RAD51B: variants seen among roughly 807,000 people sequenced by gnomAD.
The protein encoded by RAD51B is RAD51 paralog B.
In RAD51B, 38 loss-of-function variants were observed where a neutral mutation model predicts 42.2. The ratio of observed to expected loss-of-function variants is 0.90; its 90% CI spans 0.70 to 1.18. The LOEUF is 1.18. Among genes scored for constraint, RAD51B ranks in the 50% most tolerant of loss-of-function variants. The pLI is 0.00. For synonymous variants in RAD51B, 154 were observed against 145.2 expected, an observed-to-expected ratio of 1.06 and a Z score of -0.43; for missense variants, 373 against 400.7, an observed-to-expected ratio of 0.93 and a Z score of 0.59.
Position 67,915,441 on chromosome 14 carries a change from G to A in RAD51B, c.756+28237G>A, listed in dbSNP as rs552935496. ...GAATAGGCCTTTTCTTTTCTCAAAA[G>A]TACCAGCAATAGCTTCCCATTTTTT... On this transcript the variant is annotated intron_variant, in intron 7 of 10. Coordinates refer to ENST00000471583, the MANE Select transcript of RAD51B (RefSeq NM_133510.4). Among the ~76,000 whole-genome samples the A allele has an allele frequency of 6.8e-4, 104 of 152,278 alleles. No homozygotes were observed. In the Middle Eastern group the frequency reaches 0.01, roughly 15 times the overall value.
chr14:68,356,710 G>T (rs1160843328), intron 8 of RAD51B, among the ~76,000 whole-genome samples: 3 of 151,944 alleles, frequency 2.0e-5, no homozygotes, highest in African/African-American at 7.2e-5. Flanking sequence ...GGCCGGGCGC[G>T]GTGGCTCACG....
At chr14:68,238,597 G>A (rs1395769264) in intron 7 of RAD51B, among the ~76,000 whole-genome samples, 2 of 152,144 alleles carry the variant, frequency 1.3e-5, no homozygotes, top group Non-Finnish European at 2.9e-5. Context: ...GAGCCACTGT[G>A]CCCAACCATA....
rs564998314 is a variant in RAD51B at position 68,559,864 on chromosome 14, G to A, written c.1037-34621G>A. The stretch of plus-strand genomic sequence containing the variant: ...CTCCAGCATGTGGAATGGGCAGAAG[G>A]CAGAAGCCCTATGTCTGCCCTGGGG... On this transcript the variant is annotated intron_variant, in intron 10 of 10. Transcript: ENST00000487270. 2.6e-5 allele frequency among the ~76,000 whole-genome samples: 4 copies of A among 152,332 alleles called. No individual in the cohort carries two copies. The East Asian group carries it at 7.7e-4, about 29-fold the overall frequency.
chr14:68,396,483 T>C (rs184187887), intron 8 of RAD51B, among the ~76,000 whole-genome samples: 1 of 152,196 alleles, frequency 6.6e-6, no homozygotes, highest in Non-Finnish European at 1.5e-5. Flanking sequence ...TATTTAGAAA[T>C]GTCATAAAAT....
At chr14:67,878,679 A>G (rs954142525) in intron 5 of RAD51B, among the ~76,000 whole-genome samples, 1 of 152,112 alleles carries the variant, frequency 6.6e-6, no homozygotes, top group African/African-American at 2.4e-5. Context: ...CAGTAAGTCC[A>G]TTACATGGTA....
chr14:67,825,576 C>T lies in RAD51B; in HGVS notation c.197C>T (p.Thr66Met), dbSNP rs577027561. The change falls in exon 3 of 11, where the codon ACG becomes ATG. Residue 66 changes from threonine (T) to methionine (M), a missense_variant and splice_region_variant. By Grantham distance (81) the Thr-to-Met change is moderately conservative. Transcript: ENST00000471583. ...AGGGCCTGTGCCCCAAAGATGCAAA[C>T]GGTATATTTATATTTTATTATGATT... The part of the protein sequence containing the change: ...VSRACAPKMQ[T>M]AYGIKAQRSA... 85 of 1,579,500 alleles carry T rather than the reference C, an allele frequency of 5.4e-5. No individual in the cohort carries two copies. The highest frequency in any genetic ancestry group is 6.6e-5 in the Non-Finnish European group (76 of 1,156,656).
rs558313577 is a variant in RAD51B at position 68,490,249 on chromosome 14, TC to T, written c.1036+22000del. Among the ~76,000 whole-genome samples the T allele has an allele frequency of 5.9e-3, 901 of 152,346 alleles. 13 individuals carry two copies. The highest frequency in any genetic ancestry group is 0.02 in the African/African-American group (848 of 41,574). ...TTTAATTTATTTTTAAAGTATCAAT[TC>T]TTTTGCAAAGAGAATATATTCATGT... On this transcript the variant is annotated intron_variant, in intron 10 of 10. Coordinates refer to the RAD51B transcript ENST00000487270.
In RAD51B at chr14:68,662,275, G is replaced by A. The variant is rs191859421; in HGVS notation, c.*11+11419G>A. Among the ~76,000 whole-genome samples the A allele has an allele frequency of 1.8e-4, 27 of 152,246 alleles. 1 individual carries two copies. Among genetic ancestry groups the A allele is most frequent in the Admixed American group, 1.5e-3 (23 of 15,304 alleles). On this transcript the variant is annotated intron_variant, in intron 11 of 11. Transcript: ENST00000488612. The stretch of plus-strand genomic sequence containing the variant: ...AGTCTTTCACACCTGCCCCATCCCG[G>A]GCATGTATAAAATTCCATTTGTTTA...
chr14:68,094,857 A>G (rs2077165374), intron 7 of RAD51B, among the ~76,000 whole-genome samples: 1 of 152,224 alleles, frequency 6.6e-6, no homozygotes, highest in Non-Finnish European at 1.5e-5. Context: ...AAGGAAGAAA[A>G]ATTCTCCTAA....
intron 7 of RAD51B, among the ~76,000 whole-genome samples, chr14:67,985,905 G>A (rs944454375): frequency 3.9e-5 from 6 of 152,022 alleles, no homozygotes; most frequent in Non-Finnish European, 2.9e-5. Flanking sequence ...GCCAGAACTT[G>A]TCTTAAATAA....
intron 10 of RAD51B, among the ~76,000 whole-genome samples, chr14:68,518,427 G>A (rs1007430317): frequency 6.6e-6 from 1 of 152,184 alleles, no homozygotes; most frequent in African/African-American, 2.4e-5. Context: ...CCTGGGAACT[G>A]GAGATCTTTC....
chr14:68,005,274 G>C (rs1032510679), intron 7 of RAD51B, among the ~76,000 whole-genome samples: 1 of 151,828 alleles, frequency 6.6e-6, no homozygotes, highest in African/African-American at 2.4e-5. Context: ...GGCTGATCTC[G>C]AACTCCTGAC....
chr14:67,944,201 ATTTTTTT>A (rs370785745), intron 7 of RAD51B, among the ~76,000 whole-genome samples: 26 of 130,100 alleles, frequency 2.0e-4, no homozygotes, highest in Admixed American at 3.8e-4. Context: ...AGAAGTAAAG[ATTTTTTT>A]TTTTTTTTTT....
At chr14:68,604,786 T>G (rs562409186) in intron 10 of RAD51B, among the ~76,000 whole-genome samples, 41 of 130,904 alleles carry the variant, frequency 3.1e-4, no homozygotes, top group Non-Finnish European at 4.2e-4. Flanking sequence ...TCTGGTCTCA[T>G]GTACTTTTGT....
chr14:68,276,664 G>C (rs1490397580), intron 7 of RAD51B, among the ~76,000 whole-genome samples: 2 of 152,136 alleles, frequency 1.3e-5, no homozygotes, highest in Non-Finnish European at 2.9e-5. Flanking sequence ...GTATGGAACT[G>C]GAGTGAGAAG....
intron 9 of RAD51B, among the ~76,000 whole-genome samples, chr14:68,433,850 GCT>G (rs2085078331): frequency 6.6e-6 from 1 of 152,168 alleles, no homozygotes; most frequent in South Asian, 2.1e-4. Context: ...CAGCTTTTCT[GCT>G]CTGTTTTTTC....
At chr14:68,421,833 C>T in intron 9 of RAD51B, 3 of 1,595,360 alleles carry the variant, frequency 1.9e-6, no homozygotes, top group South Asian at 1.1e-5. Context: ...GCCATCCAAC[C>T]ACTCAGTCTT....
At chr14:68,619,283 G>A (rs1054083946) in intron 10 of RAD51B, among the ~76,000 whole-genome samples, 5 of 151,800 alleles carry the variant, frequency 3.3e-5, no homozygotes, top group African/African-American at 4.8e-5. Context: ...GACCATCCTC[G>A]CTAACACGGT....
intron 8 of RAD51B, among the ~76,000 whole-genome samples, chr14:68,371,030 C>G (rs1031116990): frequency 4.5e-5 from 3 of 67,086 alleles, no homozygotes; most frequent in African/African-American, 1.7e-4. Flanking sequence ...GAGCAAGACT[C>G]TGTCTCAAAA....
Sources: allele counts gnomAD v4.1 joint callset (sites outside exome capture counted in the v4.1 genomes callset), GRCh38; gene constraint gnomAD v4.1.1; transcripts MANE v1.5; gene names NCBI Gene and HGNC (gene_info 2026-07-23, HGNC 2026-07-21).